GRB10: variants seen among roughly 807,000 people sequenced by gnomAD.
GRB10 encodes growth factor receptor bound protein 10.
Under a neutral mutation model 80.9 loss-of-function variants are expected in GRB10, and 20 were observed. That is an observed-to-expected ratio of 0.25 (90% CI 0.17 to 0.36). The LOEUF (loss-of-function observed/expected upper bound fraction) is 0.36. GRB10 is among the 10% of genes least tolerant of loss of function. The pLI is 1.00. For missense variants in GRB10, 548 were observed against 747.7 expected (o/e 0.73, Z 3.12); for synonymous variants, 291 against 291.5 (o/e 1.00, Z 0.02).
intron 16 of GRB10, 74 bp from the exon 17 acceptor site, chr7:50,604,159 C>T (rs1225465528): frequency 2.2e-6 from 3 of 1,364,744 alleles, no homozygotes; most frequent in Non-Finnish European, 3.1e-6. Flanking sequence ...GCACAACCAA[C>T]TCTGATCAAC....
intron 4 of GRB10, among the ~76,000 whole-genome samples, chr7:50,728,343 A>G (rs928622737): frequency 6.6e-6 from 1 of 152,110 alleles, no homozygotes; most frequent in Non-Finnish European, 1.5e-5. Context: ...GCCCAAATCA[A>G]CTCTCGGAGA....
At chr7:50,593,320 C>T (rs189205724) in intron 18 of GRB10, among the ~76,000 whole-genome samples, 12 of 152,232 alleles carry the variant, frequency 7.9e-5, no homozygotes, top group Admixed American at 4.6e-4. Context: ...GGGTGGGCTG[C>T]GGAGGCTGCT....
chr7:50,712,078 A>T (rs1429370635), intron 4 of GRB10, among the ~76,000 whole-genome samples: 1 of 152,086 alleles, frequency 6.6e-6, no homozygotes, highest in African/African-American at 2.4e-5. Context: ...CAGAAACTCC[A>T]CAAGGCTGAA....
At position 50,604,030 on chromosome 7, in the gene GRB10, G is replaced by A; in HGVS notation, c.1512C>T (p.His504=). The A allele has an allele frequency of 6.2e-7, 1 of 1,614,080 alleles. No homozygotes were observed. Residue 504 remains histidine (H), a synonymous_variant, in exon 17 of 19, where the codon CAC becomes CAT. Transcript: ENST00000401949. Reference sequence around the variant, plus strand: ...CGAGCCCTTGCTGTTTAATGATCCTGTGGGATTCCTCCCTGGAGATCCTCC... The same window carrying A: ...CGAGCCCTTGCTGTTTAATGATCCTATGGGATTCCTCCCTGGAGATCCTCC... The part of the protein sequence containing the change: ...FHGRISREES[H]RIIKQQGLVD...
At chr7:50,689,818 T>G (rs1331896820) in intron 5 of GRB10, among the ~76,000 whole-genome samples, 1 of 149,696 alleles carries the variant, frequency 6.7e-6, no homozygotes, top group Non-Finnish European at 1.5e-5. Context: ...GACAGAGGGT[T>G]TTTTTTTTTA....
intron 7 of GRB10, among the ~76,000 whole-genome samples, chr7:50,640,374 C>T (rs772484496): frequency 1.3e-5 from 2 of 152,206 alleles, no homozygotes; most frequent in African/African-American, 2.4e-5. Flanking sequence ...ATGGCTGCCC[C>T]CTTCGAGGTA....
chr7:50,660,055 C>T (rs1023260130), intron 7 of GRB10, among the ~76,000 whole-genome samples: 2 of 152,160 alleles, frequency 1.3e-5, no homozygotes, highest in African/African-American at 4.8e-5. Flanking sequence ...TCCTTAAGAG[C>T]ACATGTCTCG....
chr7:50,642,296 A>C (rs2056396029), intron 7 of GRB10, among the ~76,000 whole-genome samples: 1 of 151,764 alleles, frequency 6.6e-6, no homozygotes, highest in African/African-American at 2.4e-5. Flanking sequence ...ACACACACAC[A>C]CGCATGCACA....
chr7:50,666,956 C>T (rs1423350174), intron 7 of GRB10, among the ~76,000 whole-genome samples: 1 of 146,932 alleles, frequency 6.8e-6, no homozygotes, highest in Non-Finnish European at 1.5e-5. Flanking sequence ...AGGAGACTGG[C>T]GTGAACCCAG....
chr7:50,673,053 C>T (rs929197753), intron 6 of GRB10, among the ~76,000 whole-genome samples: 3 of 152,234 alleles, frequency 2.0e-5, no homozygotes, highest in African/African-American at 7.2e-5. Flanking sequence ...CAGCTGCCAC[C>T]TGGGGCAAGG....
chr7:50,739,788 C>T (rs2071410225), intron 3 of GRB10, among the ~76,000 whole-genome samples: 1 of 152,218 alleles, frequency 6.6e-6, no homozygotes, highest in Non-Finnish European at 1.5e-5. Context: ...TGCCCCTTCA[C>T]ATCCAAGTGC....
intron 2 of GRB10, among the ~76,000 whole-genome samples, chr7:50,770,771 T>G (rs1220753681): frequency 6.8e-6 from 1 of 147,962 alleles, no homozygotes; most frequent in Non-Finnish European, 1.5e-5. Context: ...ATTTTTTTTG[T>G]TTTTGAAAAT....
chr7:50,708,280 T>G (rs1441098314), intron 4 of GRB10, among the ~76,000 whole-genome samples: 1 of 150,406 alleles, frequency 6.6e-6, no homozygotes, highest in African/African-American at 2.5e-5. Flanking sequence ...AAAACAGAAA[T>G]GTACCTTCTT....
intron 5 of GRB10, among the ~76,000 whole-genome samples, chr7:50,693,203 G>C (rs569870147): frequency 2.0e-5 from 3 of 152,234 alleles, no homozygotes; most frequent in Admixed American, 1.3e-4. Flanking sequence ...ATGTTGCTAA[G>C]AATGGCTTCT....
intron 17 of GRB10, among the ~76,000 whole-genome samples, chr7:50,597,577 G>A (rs73129084): frequency 0.083 from 12,574 of 152,352 alleles, 796 homozygotes; most frequent in South Asian, 0.14. Flanking sequence ...TCCTTCTGCA[G>A]ATGGGAAGCT....
chr7:50,641,315 C>T (rs957577703), intron 7 of GRB10, among the ~76,000 whole-genome samples: 3 of 151,968 alleles, frequency 2.0e-5, no homozygotes, highest in Admixed American at 2.0e-4. Flanking sequence ...ACAGCTTCTT[C>T]CACTCTCAGC....
intron 7 of GRB10, among the ~76,000 whole-genome samples, chr7:50,668,393 A>G (rs1335166641): frequency 1.3e-5 from 2 of 152,058 alleles, no homozygotes; most frequent in African/African-American, 4.8e-5. Flanking sequence ...CATTTAGCAG[A>G]AGGAAAGTCA....
At chr7:50,745,657 G>A (rs185053511) in intron 3 of GRB10, among the ~76,000 whole-genome samples, 286 of 152,230 alleles carry the variant, frequency 1.9e-3, no homozygotes, top group African/African-American at 6.2e-3. Context: ...AACTTTATCC[G>A]AAAAATAAAA....
intron 5 of GRB10, among the ~76,000 whole-genome samples, chr7:50,675,235 C>T (rs986329445): frequency 3.9e-5 from 6 of 152,228 alleles, no homozygotes; most frequent in Non-Finnish European, 5.9e-5. Context: ...CCCACCCATC[C>T]TCTCGATTGG....
Sources: allele counts gnomAD v4.1 joint callset (sites outside exome capture counted in the v4.1 genomes callset), GRCh38; gene constraint gnomAD v4.1.1; transcripts MANE v1.5; gene names NCBI Gene and HGNC (gene_info 2026-07-23, HGNC 2026-07-21).